The following EYS variants were observed in gnomAD, a reference collection of about 807,000 sequenced individuals.
EYS encodes the protein protein eyes shut homolog.
EYS carries 250 observed loss-of-function variants against 282.1 expected under a neutral mutation model. The ratio of observed to expected loss-of-function variants is 0.89; its 90% CI spans 0.80 to 0.98. The LOEUF is 0.98. Among genes scored for constraint, EYS ranks in the 50% least tolerant of loss-of-function variants. The pLI, the probability that EYS is intolerant of heterozygous loss-of-function variation, is 0.00. For synonymous variants in EYS, 1,355 were observed against 1,282.9 expected (o/e 1.06, Z -1.20); for missense variants, 4,016 against 3,709.0 (o/e 1.08, Z -2.15).
At chr6:64,970,117 C>T (rs1252228533) in intron 14 of EYS, among the ~76,000 whole-genome samples, 1 of 150,474 alleles carries the variant, frequency 6.6e-6, no homozygotes, top group Non-Finnish European at 1.5e-5. Flanking sequence ...ATGTAAAAAC[C>T]TCAAATATGA....
At chr6:65,524,233 TCTTTGTC>T (rs1435878113) in intron 2 of EYS, among the ~76,000 whole-genome samples, 2 of 148,936 alleles carry the variant, frequency 1.3e-5, no homozygotes, top group African/African-American at 5.1e-5. Context: ...GTAACTCTCT[TCTTTGTC>T]TGTTTATTCA....
At chr6:64,505,686 AAAATGATATACATATCAATT>A (rs760832223) in intron 26 of EYS, among the ~76,000 whole-genome samples, 9 of 152,352 alleles carry the variant, frequency 5.9e-5, no homozygotes, top group Non-Finnish European at 8.8e-5. Context: ...CAGCTTTAAA[AAAATGATATACATATCAATT>A]AAACTCTTTA....
chr6:64,214,478 T>C (rs912463472), intron 31 of EYS, among the ~76,000 whole-genome samples: 1 of 152,142 alleles, frequency 6.6e-6, no homozygotes, highest in African/African-American at 2.4e-5. Flanking sequence ...TTAAAGTGCA[T>C]CTTGTTATAG....
rs569287564 is a variant in EYS at position 64,312,925 on chromosome 6, A to T, written c.6079-5843T>A. ...GATAGATAAATCCACGAAGATGGGG[A>T]GAAACCAGTGCAAAAGGCTGAAAAT... On this transcript the variant is annotated intron_variant, in intron 29 of 42. Coordinates refer to ENST00000503581, the MANE Select transcript of EYS (RefSeq NM_001142800.2). Among the ~76,000 whole-genome samples the T allele has an allele frequency of 4.9e-5, 6 of 123,374 alleles. No homozygotes were observed. The East Asian group carries it at 1.3e-3, about 28-fold the overall frequency. The allele number at this position is 123,374 out of a possible 152,430, so 80.9% of individuals were successfully genotyped here.
chr6:65,309,462 T>A (rs2150297408), intron 11 of EYS, among the ~76,000 whole-genome samples: 1 of 152,278 alleles, frequency 6.6e-6, no homozygotes, highest in Admixed American at 6.5e-5. Context: ...GTTACAAATG[T>A]TCTCAAAAAA....
chr6:64,161,052 T>G (rs1008751958), intron 31 of EYS, among the ~76,000 whole-genome samples: 37 of 152,352 alleles, frequency 2.4e-4, no homozygotes, highest in African/African-American at 8.7e-4. Context: ...GACTCATTAC[T>G]AAATGTACAG....
At chr6:64,719,210 C>T (rs975393816) in intron 22 of EYS, among the ~76,000 whole-genome samples, 1 of 152,082 alleles carries the variant, frequency 6.6e-6, no homozygotes, top group African/African-American at 2.4e-5. Context: ...GAGGTTAGAA[C>T]CAGATTCTTC....
chr6:65,134,604 G>T (rs1361905552), intron 12 of EYS, among the ~76,000 whole-genome samples: 1 of 152,020 alleles, frequency 6.6e-6, no homozygotes, highest in African/African-American at 2.4e-5. Context: ...GCCTCCTTGA[G>T]GGCGGGGTGT....
In EYS at chr6:63,726,564, C is replaced by A. The variant is rs1001192412; in HGVS notation, c.8188G>T (p.Asp2730Tyr). ...TGTGCAGCATAAAATAGGATACCAT[C>A]TGCAGCGAGAGGCTGAAACTGCAAT... ...IQLQFQPLAA[D>Y]GILFYAAQHL... Residue 2730 changes from aspartate (D) to tyrosine (Y), a missense_variant, in exon 42 of 43, where the codon GAT becomes TAT. Physicochemically the swap from Asp to Tyr is radical, Grantham distance 160 (BLOSUM62 -3). Transcript: ENST00000503581. 1 of 1,551,426 alleles carries A rather than the reference C, an allele frequency of 6.4e-7. No homozygotes were observed. The highest frequency in any genetic ancestry group is 1.4e-5 in the African/African-American group (1 of 73,170).
At chr6:63,877,365 G>T (rs1306333315) in intron 35 of EYS, among the ~76,000 whole-genome samples, 1 of 152,138 alleles carries the variant, frequency 6.6e-6, no homozygotes, top group African/African-American at 2.4e-5. Flanking sequence ...GCTTCCCTTT[G>T]TAGGTAACCT....
intron 35 of EYS, among the ~76,000 whole-genome samples, chr6:63,933,212 T>A (rs1318461399): frequency 1.3e-5 from 2 of 152,178 alleles, no homozygotes; most frequent in Admixed American, 6.5e-5. Flanking sequence ...TGGTTTTTTT[T>A]AAACATTTAT....
At chr6:65,044,923 T>C (rs1773054919) in intron 13 of EYS, among the ~76,000 whole-genome samples, 1 of 151,890 alleles carries the variant, frequency 6.6e-6, no homozygotes, top group Non-Finnish European at 1.5e-5. Context: ...AGCTTTCTCC[T>C]ATTGTTTTCA....
At chr6:63,951,075 C>G (rs940601312) in intron 35 of EYS, among the ~76,000 whole-genome samples, 2 of 151,890 alleles carry the variant, frequency 1.3e-5, no homozygotes, top group African/African-American at 4.8e-5. Flanking sequence ...GGCAAGCACC[C>G]CTCACCCCTT....
At chr6:64,686,531 G>A (rs2149909137) in intron 22 of EYS, among the ~76,000 whole-genome samples, 1 of 150,922 alleles carries the variant, frequency 6.6e-6, no homozygotes, top group East Asian at 2.0e-4. Flanking sequence ...CACGAGGTCA[G>A]GAGATCGAGA....
At chr6:64,583,646 T>G (rs969221390) in intron 26 of EYS, among the ~76,000 whole-genome samples, 5 of 151,960 alleles carry the variant, frequency 3.3e-5, no homozygotes, top group African/African-American at 7.3e-5. Context: ...AAATACAAAA[T>G]TAGCCAGGCG....
intron 35 of EYS, among the ~76,000 whole-genome samples, chr6:63,912,756 C>T (rs923686602): frequency 6.6e-6 from 1 of 152,016 alleles, no homozygotes; most frequent in African/African-American, 2.4e-5. Flanking sequence ...GAGATCTGGT[C>T]GTTTAGAAGT....
chr6:64,394,626 C>T (rs377370849), intron 28 of EYS, among the ~76,000 whole-genome samples: 3 of 151,570 alleles, frequency 2.0e-5, no homozygotes, highest in African/African-American at 7.3e-5. Context: ...ATACAAAAAT[C>T]AATTCAAGAT....
intron 35 of EYS, among the ~76,000 whole-genome samples, chr6:63,920,561 C>T (rs916007442): frequency 2.0e-5 from 3 of 152,146 alleles, no homozygotes; most frequent in Admixed American, 2.0e-4. Context: ...CTCCAAGTGT[C>T]TAGTTTACTT....
Position 64,591,317 on chromosome 6 carries a change from C to T in EYS, c.4550G>A (p.Ser1517Asn). The T allele has an allele frequency of 6.4e-7, 1 of 1,551,342 alleles. No individual in the cohort carries two copies. Reference protein sequence around the residue: ...ILNSSALHRFSTKAFNPSEYQ... With the variant: ...ILNSSALHRFNTKAFNPSEYQ... ...TTCACTGGGATTGAAGGCTTTTGTA[C>T]TGAACCGGTGCAGAGCTGATGAGTT... The change falls in exon 26 of 43, where the codon AGT (serine) becomes AAT (asparagine). Residue 1517 changes from serine to asparagine, a missense_variant. Transcript: ENST00000503581.
Sources: allele counts gnomAD v4.1 joint callset (sites outside exome capture counted in the v4.1 genomes callset), GRCh38; gene constraint gnomAD v4.1.1; transcripts MANE v1.5; gene names NCBI Gene and HGNC (gene_info 2026-07-23, HGNC 2026-07-21).